Variants in FHIT observed in about 807,000 individuals in gnomAD.
FHIT encodes the protein bis(5'-adenosyl)-triphosphatase.
FHIT carries 19 observed loss-of-function variants against 17.9 expected under a neutral mutation model. The ratio of observed to expected loss-of-function variants is 1.06; its 90% confidence interval spans 0.74 to 1.56. The LOEUF is 1.56. FHIT is among the 40% of genes most tolerant of loss of function. FHIT has a pLI of 0.00. For synonymous variants in FHIT, 81 were observed against 69.7 expected, an observed-to-expected ratio of 1.16 and a Z score of -0.81; for missense variants, 248 against 189.2, an observed-to-expected ratio of 1.31 and a Z score of -1.82.
At chr3:61,203,741 T>G (rs1449856690) in intron 1 of FHIT, among the ~76,000 whole-genome samples, 1 of 152,206 alleles carries the variant, frequency 6.6e-6, no homozygotes, top group Non-Finnish European at 1.5e-5. Context: ...AAGGGGGTAA[T>G]AAATTGTTTA....
intron 4 of FHIT, among the ~76,000 whole-genome samples, chr3:60,792,404 G>T (rs1218865353): frequency 6.6e-6 from 1 of 152,086 alleles, no homozygotes; most frequent in Non-Finnish European, 1.5e-5. Flanking sequence ...TCATGCTGTC[G>T]ACAGCCACTC....
chr3:60,265,743 T>G (rs941730945), intron 5 of FHIT, among the ~76,000 whole-genome samples: 6 of 151,906 alleles, frequency 3.9e-5, no homozygotes, highest in Admixed American at 3.9e-4. Context: ...AATAGATGAT[T>G]CAAATTTTTT....
At chr3:61,201,746 C>T (rs1560066630) in intron 1 of FHIT, among the ~76,000 whole-genome samples, 1 of 151,962 alleles carries the variant, frequency 6.6e-6, no homozygotes, top group Non-Finnish European at 1.5e-5. Flanking sequence ...TTCTCCTTCC[C>T]CCTGAGCTAC....
At chr3:60,520,330 C>T (rs2035311430) in intron 5 of FHIT, among the ~76,000 whole-genome samples, 1 of 151,924 alleles carries the variant, frequency 6.6e-6, no homozygotes, top group Admixed American at 6.6e-5. Context: ...ACATTTCAAA[C>T]CTGTGCTCTC....
intron 2 of FHIT, among the ~76,000 whole-genome samples, chr3:61,183,126 A>G (rs940821635): frequency 6.6e-6 from 1 of 152,188 alleles, no homozygotes; most frequent in African/African-American, 2.4e-5. Flanking sequence ...CATGCTCCTG[A>G]ATTCTGTTGC....
chr3:60,137,320 G>A (rs543490097), intron 5 of FHIT, among the ~76,000 whole-genome samples: 2 of 152,282 alleles, frequency 1.3e-5, no homozygotes, highest in African/African-American at 2.4e-5. Flanking sequence ...TGAAGGGGAG[G>A]CGGGGTGAGA....
At chr3:60,420,828 C>T (rs369713075) in intron 5 of FHIT, among the ~76,000 whole-genome samples, 4 of 152,270 alleles carry the variant, frequency 2.6e-5, no homozygotes, top group African/African-American at 9.6e-5. Context: ...GTCCAACACA[C>T]ATAATGAAAG....
At chr3:61,002,862 C>T (rs2031188978) in intron 3 of FHIT, among the ~76,000 whole-genome samples, 1 of 152,108 alleles carries the variant, frequency 6.6e-6, no homozygotes. Flanking sequence ...ATTTCCTGCT[C>T]CATACCCCTT....
intron 5 of FHIT, among the ~76,000 whole-genome samples, chr3:60,206,149 A>T (rs200297705): frequency 0.24 from 21,972 of 93,194 alleles, 2,059 homozygotes; most frequent in Middle Eastern, 0.31. Flanking sequence ...AAAAAAAAAT[A>T]AATAATAATA....
chr3:61,122,847 G>C (rs1315112635), intron 2 of FHIT, among the ~76,000 whole-genome samples: 1 of 152,120 alleles, frequency 6.6e-6, no homozygotes, highest in African/African-American at 2.4e-5. Flanking sequence ...AAAAAGTCAG[G>C]AAACAACAAA....
intron 5 of FHIT, among the ~76,000 whole-genome samples, chr3:60,341,207 G>A (rs528770273): frequency 8.0e-4 from 122 of 152,208 alleles, no homozygotes; most frequent in African/African-American, 2.8e-3. Flanking sequence ...GTTGTTTTGA[G>A]CTGGATATAT....
intron 5 of FHIT, among the ~76,000 whole-genome samples, chr3:60,174,359 A>G (rs1701571870): frequency 6.6e-6 from 1 of 151,626 alleles, no homozygotes. Flanking sequence ...CTTTGATAGT[A>G]CTCTTGTGTC....
chr3:59,839,057 C>G (rs1401770446), intron 8 of FHIT, among the ~76,000 whole-genome samples: 1 of 152,130 alleles, frequency 6.6e-6, no homozygotes, highest in Non-Finnish European at 1.5e-5. Flanking sequence ...TAGCTCATGT[C>G]CCCAATCCCA....
intron 5 of FHIT, among the ~76,000 whole-genome samples, chr3:60,281,296 T>C (rs936095480): frequency 2.0e-5 from 3 of 152,122 alleles, no homozygotes; most frequent in African/African-American, 7.2e-5. Context: ...GCAGTTTCAG[T>C]CAAAATCCCA....
intron 5 of FHIT, among the ~76,000 whole-genome samples, chr3:60,521,961 G>A (rs926385021): frequency 6.6e-6 from 1 of 152,118 alleles, no homozygotes; most frequent in Admixed American, 6.6e-5. Flanking sequence ...GGTCAGGGAA[G>A]GCCTCTGTGT....
chr3:60,595,887 A>G lies in FHIT; in HGVS notation c.-17-58908T>C, dbSNP rs192773583. The stretch of plus-strand genomic sequence containing the variant: ...TCCTGGCCTTAAGAGATCCTCCCAC[A>G]GCACGGGAATTATAGGTGTGAGCCA... On this transcript the variant is annotated intron_variant, in intron 4 of 9. Transcript: ENST00000492590. 3.4e-3 allele frequency among the ~76,000 whole-genome samples: 511 copies of G among 152,046 alleles called. 1 individual carries two copies. Among genetic ancestry groups the G allele is most frequent in the Middle Eastern group, 0.017 (5 of 294 alleles).
chr3:60,976,089 T>A (rs374937491), intron 3 of FHIT, among the ~76,000 whole-genome samples: 3 of 140,416 alleles, frequency 2.1e-5, no homozygotes, highest in Non-Finnish European at 4.5e-5. Context: ...CTTTCGTTTT[T>A]CTTTTTCTTT....
intron 5 of FHIT, among the ~76,000 whole-genome samples, chr3:60,481,968 G>C (rs759079751): frequency 1.6e-4 from 25 of 152,072 alleles, no homozygotes; most frequent in Non-Finnish European, 2.9e-4. Context: ...TCAAAATAAA[G>C]GAATGGAGGA....
At chr3:61,218,584 G>A (rs568832446) in intron 1 of FHIT, among the ~76,000 whole-genome samples, 19 of 152,288 alleles carry the variant, frequency 1.2e-4, no homozygotes, top group African/African-American at 4.1e-4. Flanking sequence ...TATGTATCAA[G>A]GTAATGGAGA....
Sources: allele counts gnomAD v4.1 joint callset (sites outside exome capture counted in the v4.1 genomes callset), GRCh38; gene constraint gnomAD v4.1.1; transcripts MANE v1.5; gene names NCBI Gene and HGNC (gene_info 2026-07-23, HGNC 2026-07-21).